TSHZ2: variants seen among roughly 807,000 people sequenced by gnomAD.
TSHZ2 encodes teashirt zinc finger homeobox 2, also known as teashirt homolog 2.
A neutral mutation model predicts 74.4 loss-of-function variants in TSHZ2; 21 were observed. The ratio of observed to expected loss-of-function variants is 0.28; its 90% CI spans 0.20 to 0.41. The LOEUF is 0.41. Ranked by LOEUF, TSHZ2 falls within the 10% of genes least tolerant of loss-of-function variation. The pLI is 1.00. For synonymous variants in TSHZ2, 540 were observed against 515.3 expected (o/e 1.05, Z -0.65); for missense variants, 1,244 against 1,293.5 (o/e 0.96, Z 0.59).
intron 1 of TSHZ2, among the ~76,000 whole-genome samples, chr20:53,246,040 C>CTATTTTTTTTTTTTTTTTTTTT (rs1990194976): frequency 7.7e-6 from 1 of 130,648 alleles, no homozygotes; most frequent in African/African-American, 3.1e-5. Flanking sequence ...TTCTTTCTTT[C>CTATTTTTTTTTTTTTTTTTTTT]TTTTTTTTTT....
chr20:53,008,188 G>C (rs1982715319), intron 1 of TSHZ2, among the ~76,000 whole-genome samples: 1 of 152,118 alleles, frequency 6.6e-6, no homozygotes, highest in African/African-American at 2.4e-5. Context: ...TAGTCTTTAT[G>C]AAGAAAAAAA....
chr20:53,032,947 G>A (rs974143576), intron 1 of TSHZ2, among the ~76,000 whole-genome samples: 1 of 152,040 alleles, frequency 6.6e-6, no homozygotes, highest in Non-Finnish European at 1.5e-5. Context: ...CATACCCATG[G>A]GGTTATACTG....
chr20:53,223,920 CA>C (rs1989623388), intron 1 of TSHZ2, among the ~76,000 whole-genome samples: 2 of 146,276 alleles, frequency 1.4e-5, no homozygotes, highest in Non-Finnish European at 3.1e-5. Flanking sequence ...CACACACACA[CA>C]CACACACACA....
intron 1 of TSHZ2, among the ~76,000 whole-genome samples, chr20:53,173,334 C>T (rs188471847): frequency 2.4e-4 from 36 of 152,240 alleles, no homozygotes; most frequent in Non-Finnish European, 3.2e-4. Context: ...GGAGGCTGGG[C>T]GCTGTGGCTT....
At chr20:53,067,554 A>G (rs1985030827) in intron 1 of TSHZ2, among the ~76,000 whole-genome samples, 2 of 152,226 alleles carry the variant, frequency 1.3e-5, no homozygotes, top group African/African-American at 4.8e-5. Flanking sequence ...TACATTTAGC[A>G]AATGTCCATG....
At chr20:53,338,372 C>T (rs748565546) in intron 2 of TSHZ2, among the ~76,000 whole-genome samples, 55 of 152,158 alleles carry the variant, frequency 3.6e-4, no homozygotes, top group Admixed American at 7.9e-4. Context: ...CAAGGAGGGT[C>T]TCCTATGATG....
chr20:53,369,481 C>T (rs768792934), intron 2 of TSHZ2, among the ~76,000 whole-genome samples: 2 of 151,698 alleles, frequency 1.3e-5, no homozygotes, highest in Non-Finnish European at 2.9e-5. Context: ...CCAAAGCAGG[C>T]GGATCACCTG....
At chr20:53,030,957 CAT>C (rs1018284336) in intron 1 of TSHZ2, among the ~76,000 whole-genome samples, 1 of 152,066 alleles carries the variant, frequency 6.6e-6, no homozygotes, top group Non-Finnish European at 1.5e-5. Flanking sequence ...ATGGATAGGA[CAT>C]ATTTATTTAA....
At chr20:53,231,326 G>A (rs185434514) in intron 1 of TSHZ2, among the ~76,000 whole-genome samples, 18 of 152,286 alleles carry the variant, frequency 1.2e-4, no homozygotes, top group Admixed American at 3.9e-4. Context: ...CAACCCATGC[G>A]CCCCTTCAGA....
At chr20:53,216,772 A>G (rs1340283152) in intron 1 of TSHZ2, among the ~76,000 whole-genome samples, 1 of 152,118 alleles carries the variant, frequency 6.6e-6, no homozygotes, top group Non-Finnish European at 1.5e-5. Flanking sequence ...TTTCCCCTTA[A>G]TCATGTGGGT....
intron 1 of TSHZ2, among the ~76,000 whole-genome samples, chr20:53,213,607 A>G (rs1169908497): frequency 2.0e-5 from 3 of 152,134 alleles, no homozygotes; most frequent in Non-Finnish European, 2.9e-5. Flanking sequence ...GAGAAATTTG[A>G]TGGTGAAGTA....
intron 1 of TSHZ2, among the ~76,000 whole-genome samples, chr20:53,150,893 C>A (rs1987662487): frequency 6.6e-6 from 1 of 152,170 alleles, no homozygotes; most frequent in African/African-American, 2.4e-5. Context: ...CGTGGGAAGG[C>A]CATCCTTTCA....
intron 1 of TSHZ2, among the ~76,000 whole-genome samples, chr20:53,079,403 A>G (rs1985462381): frequency 6.6e-6 from 1 of 152,244 alleles, no homozygotes; most frequent in African/African-American, 2.4e-5. Context: ...TAACGTAGAC[A>G]GTGACATGTT....
chr20:53,042,574 G>T lies in TSHZ2; in HGVS notation c.40+69241G>T, dbSNP rs149875797. 5.0e-4 allele frequency among the ~76,000 whole-genome samples: 76 copies of T among 152,192 alleles called. No homozygotes were observed. The East Asian group carries it at 0.013, about 27-fold the overall frequency. On this transcript the variant is annotated intron_variant, in intron 1 of 2. Coordinates refer to ENST00000371497, the MANE Select transcript of TSHZ2 (RefSeq NM_173485.6). ...CCTAATGAAACATGAAGATCATAGG[G>T]AATGATGGAATTGGGACTCAAATTT...
rs34194089 is a variant in TSHZ2 at position 53,134,969 on chromosome 20, A to AACAC, written c.41-118510_41-118507dup. Reference sequence around the variant, plus strand: ...CAGGCCATCTCTCCCCTGACAAAGAAACACACACACACACACACACACATA... The same window carrying AACAC: ...CAGGCCATCTCTCCCCTGACAAAGAAACACACACACACACACACACACACACATA... On this transcript the variant is annotated intron_variant, in intron 1 of 2. Coordinates refer to ENST00000371497, the MANE Select transcript of TSHZ2 (RefSeq NM_173485.6). Among the ~76,000 whole-genome samples the AACAC allele has an allele frequency of 5.0e-3, 721 of 143,246 alleles. 13 individuals are homozygous for AACAC. Among genetic ancestry groups the AACAC allele is most frequent in the Non-Finnish European group, 9.4e-4 (62 of 66,184 alleles). 94.0% of individuals were successfully genotyped at this position (143,246 alleles called of 152,430 possible).
chr20:53,106,774 T>G (rs939914698), intron 1 of TSHZ2, among the ~76,000 whole-genome samples: 2 of 148,144 alleles, frequency 1.4e-5, no homozygotes, highest in Non-Finnish European at 3.0e-5. Flanking sequence ...CTTGGCTCAA[T>G]GCAACCTCCA....
intron 1 of TSHZ2, among the ~76,000 whole-genome samples, chr20:53,117,068 C>T (rs6097242): frequency 0.078 from 11,796 of 152,070 alleles, 1,061 homozygotes; most frequent in African/African-American, 0.22. Flanking sequence ...CTTCAGTGCA[C>T]GTTCTCTCAT....
intron 1 of TSHZ2, among the ~76,000 whole-genome samples, chr20:53,051,457 GCACA>G (rs11474223): frequency 0.019 from 2,750 of 145,170 alleles, 59 homozygotes; most frequent in African/African-American, 0.057. Flanking sequence ...TGTGGCGCAC[GCACA>G]CACACACACA....
rs1470351004 is a variant in TSHZ2, at chr20:53,306,037, A to G, written c.*8+49466A>G. On this transcript the variant is annotated intron_variant, in intron 2 of 2. Coordinates refer to ENST00000371497, the MANE Select transcript of TSHZ2 (RefSeq NM_173485.6). ...AGAGAGCCCAGCCCTCACTGGTCTC[A>G]GACCACAGAAACTGGCTTTTCTCAC... 2.0e-5 allele frequency among the ~76,000 whole-genome samples: 3 copies of G among 151,492 alleles called. No homozygotes were observed. The East Asian group carries it at 5.8e-4, about 29-fold the overall frequency.
Sources: allele counts gnomAD v4.1 joint callset (sites outside exome capture counted in the v4.1 genomes callset), GRCh38; gene constraint gnomAD v4.1.1; transcripts MANE v1.5; gene names NCBI Gene and HGNC (gene_info 2026-07-23, HGNC 2026-07-21).